LRRC69: variants seen among roughly 807,000 people sequenced by gnomAD.
The protein encoded by LRRC69 is leucine-rich repeat-containing protein 69.
A neutral mutation model predicts 37.8 loss-of-function variants in LRRC69; 42 were observed. That is an observed-to-expected ratio of 1.11 (90% CI 0.87 to 1.44). The LOEUF (loss-of-function observed/expected upper bound fraction) is 1.44, where lower values mean the gene tolerates loss of function less well. Ranked by LOEUF, LRRC69 falls within the 40% of genes most tolerant of loss-of-function variation. The pLI is 0.00. For synonymous variants in LRRC69, 141 were observed against 143.1 expected (o/e 0.99, Z 0.11); for missense variants, 357 against 401.9 (o/e 0.89, Z 0.96).
intron 5 of LRRC69, chr8:91,158,095 G>T: frequency 6.6e-7 from 1 of 1,518,498 alleles, no homozygotes; most frequent in Non-Finnish European, 9.1e-7. Flanking sequence ...GGGTACAAAC[G>T]GAGAGTTCTA....
chr8:91,145,436 C>T (rs1808600939), intron 5 of LRRC69, among the ~76,000 whole-genome samples: 1 of 151,846 alleles, frequency 6.6e-6, no homozygotes. Context: ...TTCTTGTTCC[C>T]ATATGAATAG....
chr8:91,115,097 GATAA>G (rs776952005), intron 1 of LRRC69, among the ~76,000 whole-genome samples: 25 of 151,950 alleles, frequency 1.6e-4, no homozygotes, highest in Non-Finnish European at 2.9e-4. Flanking sequence ...AGTTATGTAA[GATAA>G]ATAAGTTTTG....
At chr8:91,171,943 A>G (rs368522058) in intron 5 of LRRC69, among the ~76,000 whole-genome samples, 1 of 103,226 alleles carries the variant, frequency 9.7e-6, no homozygotes, top group East Asian at 2.5e-4. Context: ...CCACATGCAC[A>G]TGGAGGTTTT....
intron 7 of LRRC69, among the ~76,000 whole-genome samples, chr8:91,210,695 GA>G (rs1809897735): frequency 6.6e-6 from 1 of 151,816 alleles, no homozygotes; most frequent in Non-Finnish European, 1.5e-5. Context: ...AATTAAAAGA[GA>G]ATACATTTTT....
At chr8:91,134,239 G>A (rs1813863846) in intron 4 of LRRC69, among the ~76,000 whole-genome samples, 4 of 151,412 alleles carry the variant, frequency 2.6e-5, no homozygotes, top group Admixed American at 2.6e-4. Context: ...CAGGCTATCT[G>A]CAAGCTGAAG....
At chr8:91,135,449 A>T (rs745819328) in intron 4 of LRRC69, among the ~76,000 whole-genome samples, 1 of 152,012 alleles carries the variant, frequency 6.6e-6, no homozygotes, top group Non-Finnish European at 1.5e-5. Context: ...TGGCCATGTT[A>T]TGTTGCCCTG....
chr8:91,112,858 T>C (rs1195583275), intron 1 of LRRC69, among the ~76,000 whole-genome samples: 2 of 152,004 alleles, frequency 1.3e-5, no homozygotes, highest in African/African-American at 4.8e-5. Flanking sequence ...TTAGAACTAA[T>C]AAATGAATTC....
intron 5 of LRRC69, among the ~76,000 whole-genome samples, chr8:91,149,696 A>G (rs1808693896): frequency 1.3e-5 from 2 of 151,856 alleles, no homozygotes; most frequent in Admixed American, 6.6e-5. Context: ...TTTTCATGAT[A>G]TTGATTCTTC....
intron 1 of LRRC69, among the ~76,000 whole-genome samples, chr8:91,103,794 TACAAG>T (rs1813261688): frequency 6.6e-6 from 1 of 152,070 alleles, no homozygotes; most frequent in Admixed American, 6.6e-5. Context: ...TACTTGTAGT[TACAAG>T]ACAACAAGGA....
At chr8:91,210,553 A>G (rs1809891544) in intron 7 of LRRC69, among the ~76,000 whole-genome samples, 1 of 99,792 alleles carries the variant, frequency 1.0e-5, no homozygotes, top group African/African-American at 3.9e-5. Flanking sequence ...ACAGACACAC[A>G]CACACACAGA....
intron 5 of LRRC69, among the ~76,000 whole-genome samples, chr8:91,143,623 T>C (rs1326221559): frequency 6.6e-6 from 1 of 152,022 alleles, no homozygotes; most frequent in Non-Finnish European, 1.5e-5. Context: ...TACAATGTTG[T>C]CATGAGAAAA....
downstream of LRRC69, chr8:91,219,076 A>G (rs1006945351): frequency 4.5e-6 from 3 of 663,938 alleles, no homozygotes; most frequent in African/African-American, 3.7e-5. Flanking sequence ...TGCCCTACTT[A>G]AGATACCATG....
chr8:91,172,734 C>T (rs1158585612), intron 5 of LRRC69, among the ~76,000 whole-genome samples: 9 of 151,954 alleles, frequency 5.9e-5, no homozygotes, highest in Admixed American at 2.0e-4. Flanking sequence ...AGGCTGGTCT[C>T]GAATTCCTGA....
intron 5 of LRRC69, among the ~76,000 whole-genome samples, chr8:91,151,278 A>G (rs1180440272): frequency 6.7e-6 from 1 of 149,990 alleles, no homozygotes; most frequent in Admixed American, 6.7e-5. Flanking sequence ...AGATTCTGGT[A>G]TGTTGTGTCT....
chr8:91,177,131 G>T (rs536357736), intron 5 of LRRC69, among the ~76,000 whole-genome samples: 71 of 152,190 alleles, frequency 4.7e-4, no homozygotes, highest in Non-Finnish European at 8.7e-4. Flanking sequence ...TGATTGATTA[G>T]CACATAAAGA....
Position 91,121,451 on chromosome 8 carries a change from G to C in LRRC69, c.184-3042G>C, listed in dbSNP as rs192797478. On this transcript the variant is annotated intron_variant, in intron 1 of 7. Transcript: ENST00000448384. ...CGCTGAGTGTTCCTCTACCTGCAGT[G>C]CTCAGCCACATTAGCTGCATCTCCT... 1.3e-4 allele frequency among the ~76,000 whole-genome samples: 20 copies of C among 152,010 alleles called. No individual in the cohort carries two copies. The East Asian group carries it at 1.9e-3, about 15-fold the overall frequency.
intron 7 of LRRC69, chr8:91,209,649 G>A (rs1336771259): frequency 5.3e-5 from 8 of 152,126 alleles, no homozygotes; most frequent in African/African-American, 1.9e-4. Flanking sequence ...AGCTAGTAAG[G>A]AGGATGTAAA....
intron 5 of LRRC69, among the ~76,000 whole-genome samples, chr8:91,167,270 A>C (rs1809046662): frequency 6.6e-6 from 1 of 151,860 alleles, no homozygotes; most frequent in Non-Finnish European, 1.5e-5. Context: ...TGGCGGAAGG[A>C]AGTAGGAACA....
chr8:91,115,674 T>G (rs1207101369), intron 1 of LRRC69, among the ~76,000 whole-genome samples: 1 of 151,926 alleles, frequency 6.6e-6, no homozygotes, highest in Admixed American at 6.6e-5. Flanking sequence ...GATCTCTTAG[T>G]TTCTATCAGA....
Sources: allele counts gnomAD v4.1 joint callset (sites outside exome capture counted in the v4.1 genomes callset), GRCh38; gene constraint gnomAD v4.1.1; transcripts MANE v1.5; gene names NCBI Gene and HGNC (gene_info 2026-07-23, HGNC 2026-07-21).